The following RSPH9 variants were observed in gnomAD, a reference collection of about 807,000 sequenced individuals.
RSPH9 encodes radial spoke head protein 9 homolog.
A neutral mutation model predicts 27.0 loss-of-function variants in RSPH9; 27 were observed. The ratio of observed to expected loss-of-function variants is 1.00; its 90% confidence interval spans 0.74 to 1.38. RSPH9 has a LOEUF of 1.38. Among genes scored for constraint, RSPH9 ranks in the 40% most tolerant of loss-of-function variants. RSPH9 has a pLI of 0.00. For synonymous variants in RSPH9, 145 were observed against 147.7 expected, an observed-to-expected ratio of 0.98 and a Z score of 0.13; for missense variants, 347 against 357.4, an observed-to-expected ratio of 0.97 and a Z score of 0.24.
Position 43,670,978 on chromosome 6 carries a change from C to CA in RSPH9, c.*30dup. 3 of 1,613,796 alleles carry CA rather than the reference C, an allele frequency of 1.9e-6. No homozygotes were observed. Among genetic ancestry groups the CA allele is most frequent in the Non-Finnish European group, 2.5e-6 (3 of 1,179,884 alleles). ...GGGAGCCAGCCTGGATGTTTTTAAA[C>CA]AGAGTCTAAACATGATTTTCTTAAG... On this transcript the variant is annotated 3_prime_UTR_variant, in exon 5 of 5. Coordinates refer to ENST00000372163, the MANE Select transcript of RSPH9 (RefSeq NM_152732.5).
intron 2 of RSPH9, among the ~76,000 whole-genome samples, chr6:43,654,548 C>T (rs6940568): frequency 0.054 from 8,158 of 152,114 alleles, 326 homozygotes; most frequent in East Asian, 0.13. Flanking sequence ...ATTGACTGGG[C>T]GCAGTGGCTC....
At chr6:43,648,997 C>T (rs1179804115) in intron 1 of RSPH9, among the ~76,000 whole-genome samples, 1 of 152,026 alleles carries the variant, frequency 6.6e-6, no homozygotes, top group Non-Finnish European at 1.5e-5. Context: ...GGGCAGAAAT[C>T]ATGGCACAGT....
At chr6:43,661,115 C>A (rs190067165) in intron 4 of RSPH9, among the ~76,000 whole-genome samples, 1 of 152,286 alleles carries the variant, frequency 6.6e-6, no homozygotes, top group East Asian at 1.9e-4. Flanking sequence ...CAGTAGGTCT[C>A]AAAAGTGGGC....
Position 43,671,880 on chromosome 6 carries a change from G to C in RSPH9, c.*931G>C. 1 of 1,612,986 alleles carries C rather than the reference G, an allele frequency of 6.2e-7. No individual in the cohort carries two copies. Among genetic ancestry groups the C allele is most frequent in the South Asian group, 1.1e-5 (1 of 90,964 alleles). ...GCCTTTTTTGTAGATGGGCTTGACGGAGCCAGGAGCCCAGCGCGTCAGGTA... is the reference window on the plus strand; with the variant it reads ...GCCTTTTTTGTAGATGGGCTTGACGCAGCCAGGAGCCCAGCGCGTCAGGTA... On this transcript the variant is annotated 3_prime_UTR_variant, in exon 5 of 5. Coordinates refer to ENST00000372163, the MANE Select transcript of RSPH9 (RefSeq NM_152732.5).
chr6:43,661,436 G>A (rs113204514), intron 4 of RSPH9, among the ~76,000 whole-genome samples: 1,942 of 152,188 alleles, frequency 0.013, 36 homozygotes, highest in African/African-American at 0.042. Context: ...CGAGGTGGGC[G>A]GATCACCTGA....
Position 43,671,730 on chromosome 6 carries a change from TGCA to T in RSPH9, c.*783_*785del. The T allele has an allele frequency of 6.2e-7, 1 of 1,613,574 alleles. No homozygotes were observed. The highest frequency in any genetic ancestry group is 8.5e-7 in the Non-Finnish European group (1 of 1,179,684). ...TGGGCCTCCTACTCCCCAGCACAGG[TGCA>T]GGAGGAACTCTGGAAGCACTGCTCT... On this transcript the variant is annotated 3_prime_UTR_variant, in exon 5 of 5. Coordinates refer to ENST00000372163, the MANE Select transcript of RSPH9 (RefSeq NM_152732.5).
intron 4 of RSPH9, among the ~76,000 whole-genome samples, chr6:43,662,338 T>A (rs1050374970): frequency 6.6e-6 from 1 of 152,100 alleles, no homozygotes; most frequent in African/African-American, 2.4e-5. Flanking sequence ...ACTCAAACTT[T>A]CTACATATCA....
chr6:43,654,080 A>G (rs1336869128), intron 2 of RSPH9, among the ~76,000 whole-genome samples: 1 of 152,184 alleles, frequency 6.6e-6, no homozygotes, highest in East Asian at 1.9e-4. Context: ...GAGGTGACAT[A>G]TTTAAAGACA....
intron 4 of RSPH9, among the ~76,000 whole-genome samples, chr6:43,658,311 GAAAA>G (rs1272673497): frequency 9.9e-6 from 1 of 101,104 alleles, no homozygotes; most frequent in Non-Finnish European, 2.1e-5. Flanking sequence ...AAAAAAAAAA[GAAAA>G]AAAAAAAAAG....
intron 3 of RSPH9, 60 bp downstream of exon 3, chr6:43,655,751 CAT>C (rs1220596661): frequency 6.3e-7 from 1 of 1,592,354 alleles, no homozygotes; most frequent in East Asian, 2.2e-5. Flanking sequence ...CACAGTAGAA[CAT>C]ATGTCTGGGA....
At position 43,670,882 on chromosome 6, in the gene RSPH9, C is replaced by T; in HGVS notation, c.764C>T (p.Thr255Ile). ...CTCACCTTCTACCATGCTCCCCGCACCAAGAACTATGGCTACGTCTACGTG... is the reference window on the plus strand; with the variant it reads ...CTCACCTTCTACCATGCTCCCCGCATCAAGAACTATGGCTACGTCTACGTG... ...PGLTFYHAPR[T>I]KNYGYVYVGT... The change falls in exon 5 of 5, where the codon ACC becomes ATC. Residue 255 changes from threonine to isoleucine, a missense_variant. By Grantham distance (89) the Thr-to-Ile change is moderately conservative. Coordinates refer to ENST00000372163, the MANE Select transcript of RSPH9 (RefSeq NM_152732.5). 6.2e-7 allele frequency: 1 copy of T among 1,614,218 alleles called. No individual in the cohort carries two copies. The highest frequency in any genetic ancestry group is 8.5e-7 in the Non-Finnish European group (1 of 1,180,028).
At position 43,664,539 on chromosome 6, in the gene RSPH9, C is replaced by T. The variant is rs139310865; in HGVS notation, c.671-6250C>T. ...ATAAGGCAGTGGTACACAGGTGGAG[C>T]GAGACAGGGCAAGGCAAACCAGGAA... On this transcript the variant is annotated intron_variant, in intron 4 of 4. Transcript: ENST00000372163. 6.4e-4 allele frequency among the ~76,000 whole-genome samples: 98 copies of T among 152,292 alleles called. 1 individual carries two copies. The highest frequency in any genetic ancestry group is 2.3e-3 in the Admixed American group (35 of 15,294).
At position 43,655,674 on chromosome 6, in the gene RSPH9, T is replaced by G; in HGVS notation, c.506T>G (p.Val169Gly). Residue 169 changes from valine (V) to glycine (G), a missense_variant, in exon 3 of 5, where the codon GTC (valine) becomes GGC (glycine). Physicochemically the swap from Val to Gly is moderately radical, Grantham distance 109 (BLOSUM62 -3). Coordinates refer to ENST00000372163, the MANE Select transcript of RSPH9 (RefSeq NM_152732.5). ...LFKTPFGPTH[V>G]NRTFEGLSLS... is the part of the protein sequence containing the mutation. ...AAGACCCCTTTTGGACCCACCCATGTCAATCGGACCTTTGAAGGTGAGTTC... is the reference window on the plus strand; with the variant it reads ...AAGACCCCTTTTGGACCCACCCATGGCAATCGGACCTTTGAAGGTGAGTTC... 6.2e-7 allele frequency: 1 copy of G among 1,614,226 alleles called. No homozygotes were observed. Among genetic ancestry groups the G allele is most frequent in the Non-Finnish European group, 8.5e-7 (1 of 1,180,038 alleles).
chr6:43,655,401 C>T (rs776738103), intron 2 of RSPH9, among the ~76,000 whole-genome samples, 161 bp from the exon 3 acceptor site: 49 of 152,202 alleles, frequency 3.2e-4, no homozygotes, highest in Non-Finnish European at 5.6e-4. Flanking sequence ...GGAAGAAAAT[C>T]TTGATAGGAA....
At chr6:43,647,046 G>T (rs1258551839) in intron 1 of RSPH9, among the ~76,000 whole-genome samples, 1 of 152,014 alleles carries the variant, frequency 6.6e-6, no homozygotes, top group Non-Finnish European at 1.5e-5. Context: ...GAGGTGGGAG[G>T]ATTGCGCCCG....
rs144307098 is a variant in RSPH9 at position 43,672,206 on chromosome 6, G to A, written c.*1257G>A. ...GTGTGTTTGCTGAGGAAAAGGTGGC[G>A]AAGAGGCTGCCTGAAGAGCAGATCA... On this transcript the variant is annotated 3_prime_UTR_variant, in exon 5 of 5. Transcript: ENST00000372163. 748 of 481,120 alleles carry A rather than the reference G, an allele frequency of 1.6e-3. 3 individuals are homozygous for A. The highest frequency in any genetic ancestry group is 7.4e-3 in the Middle Eastern group (17 of 2,304). The allele number at this position is 481,120 out of a possible 1,614,324, so 29.8% of individuals were successfully genotyped here.
chr6:43,648,146 G>T (rs917702389), intron 1 of RSPH9, among the ~76,000 whole-genome samples: 3 of 152,136 alleles, frequency 2.0e-5, no homozygotes, highest in Non-Finnish European at 1.5e-5. Flanking sequence ...TTGCAAGCCT[G>T]TGATCCCAGC....
Position 43,672,181 on chromosome 6 carries a change from G to T in RSPH9, c.*1232G>T, listed in dbSNP as rs908608535. 9 of 534,118 alleles carry T rather than the reference G, an allele frequency of 1.7e-5. No homozygotes were observed. The highest frequency in any genetic ancestry group is 2.8e-5 in the Non-Finnish European group (8 of 286,424). The allele number at this position is 534,118 out of a possible 1,614,324, so 33.1% of individuals were successfully genotyped here. A position where few individuals can be genotyped will look rare whatever the true frequency, so the allele number is the denominator to read the frequency against. On this transcript the variant is annotated 3_prime_UTR_variant, in exon 5 of 5. Coordinates refer to ENST00000372163, the MANE Select transcript of RSPH9 (RefSeq NM_152732.5). ...GATCTTTGTAAATGTCAATGTTGGT[G>T]TGTGTTTGCTGAGGAAAAGGTGGCG...
chr6:43,650,758 T>G (rs970216719), intron 2 of RSPH9, among the ~76,000 whole-genome samples: 1 of 151,796 alleles, frequency 6.6e-6, no homozygotes, highest in African/African-American at 2.4e-5. Flanking sequence ...TACAAAAAAT[T>G]AGCTGGGTGT....
Sources: allele counts gnomAD v4.1 joint callset (sites outside exome capture counted in the v4.1 genomes callset), GRCh38; gene constraint gnomAD v4.1.1; transcripts MANE v1.5; gene names NCBI Gene and HGNC (gene_info 2026-07-23, HGNC 2026-07-21).